The following SORCS2 variants were observed in gnomAD, a reference collection of about 807,000 sequenced individuals.
SORCS2 encodes sortilin related VPS10 domain containing receptor 2.
SORCS2 carries 100 observed loss-of-function variants against 141.6 expected under a neutral mutation model. The observed-to-expected ratio is 0.71, with a 90% confidence interval of 0.60 to 0.83. The LOEUF is 0.83. Among genes scored for constraint, SORCS2 ranks in the 40% least tolerant of loss-of-function variants. The pLI is 0.00. For missense variants in SORCS2, 1,646 were observed against 1,560.2 expected, an observed-to-expected ratio of 1.05 and a Z score of -0.93; for synonymous variants, 789 against 676.9, an observed-to-expected ratio of 1.17 and a Z score of -2.57.
At chr4:7,586,402 G>C (rs753019552) in intron 3 of SORCS2, among the ~76,000 whole-genome samples, 1 of 152,170 alleles carries the variant, frequency 6.6e-6, no homozygotes, top group Non-Finnish European at 1.5e-5. Context: ...GTGCCATAGT[G>C]GTTTGCTGCA....
intron 3 of SORCS2, among the ~76,000 whole-genome samples, chr4:7,539,386 G>T (rs866002960): frequency 6.6e-6 from 1 of 152,214 alleles, no homozygotes; most frequent in Non-Finnish European, 1.5e-5. Context: ...GCCGAGCCAA[G>T]TCCCAGGCTC....
intron 18 of SORCS2, among the ~76,000 whole-genome samples, chr4:7,719,298 G>C (rs1481221058): frequency 6.6e-6 from 1 of 152,256 alleles, no homozygotes; most frequent in African/African-American, 2.4e-5. Context: ...ACGACGCAGA[G>C]CAGTGCTTGC....
chr4:7,389,372 C>T (rs79383056), intron 1 of SORCS2, among the ~76,000 whole-genome samples: 19,748 of 152,098 alleles, frequency 0.13, 1,826 homozygotes, highest in East Asian at 0.49. Flanking sequence ...CCCGTACCAG[C>T]GAGGCATGTC....
At chr4:7,654,378 C>G (rs1041109208) in intron 5 of SORCS2, among the ~76,000 whole-genome samples, 171 bp downstream of exon 5, 15 of 152,214 alleles carry the variant, frequency 9.9e-5, no homozygotes, top group African/African-American at 3.1e-4. Context: ...CCACACCCTC[C>G]TCATCCCAGG....
At chr4:7,666,442 G>A (rs145786121) in intron 7 of SORCS2, among the ~76,000 whole-genome samples, 2 of 152,298 alleles carry the variant, frequency 1.3e-5, no homozygotes, top group African/African-American at 4.8e-5. Context: ...GGCCTCCCCT[G>A]CCCTCTCCCT....
At chr4:7,384,498 A>G (rs4615171) in intron 1 of SORCS2, among the ~76,000 whole-genome samples, 130,525 of 152,110 alleles carry the variant, frequency 0.86, 56,848 homozygotes, top group Non-Finnish European at 0.94. Context: ...GACGGGGTTA[A>G]GGTGCGTACA....
intron 2 of SORCS2, among the ~76,000 whole-genome samples, chr4:7,471,202 C>T (rs956661450): frequency 6.6e-6 from 1 of 152,222 alleles, no homozygotes; most frequent in Non-Finnish European, 1.5e-5. Context: ...CATCCTGCAT[C>T]CTTCCCCGCC....
intron 1 of SORCS2, among the ~76,000 whole-genome samples, chr4:7,210,563 G>C (rs1728004723): frequency 1.3e-5 from 2 of 152,330 alleles, no homozygotes; most frequent in South Asian, 4.1e-4. Context: ...TTACAGGTGT[G>C]AGCCGCCATG....
At chr4:7,674,445 C>A (rs915676335) in intron 8 of SORCS2, among the ~76,000 whole-genome samples, 10 of 151,782 alleles carry the variant, frequency 6.6e-5, no homozygotes, top group Non-Finnish European at 1.5e-5. Context: ...TAGTGGCAGG[C>A]GCCTGTAATC....
intron 9 of SORCS2, 88 bp downstream of exon 9, chr4:7,676,317 C>A: frequency 7.2e-7 from 1 of 1,396,428 alleles, no homozygotes. Flanking sequence ...CCCTCCCCTC[C>A]CGCCTGTCTA....
intron 2 of SORCS2, among the ~76,000 whole-genome samples, chr4:7,476,975 G>A (rs1048449499): frequency 5.3e-5 from 8 of 152,182 alleles, no homozygotes; most frequent in Admixed American, 5.2e-4. Context: ...TCCCCAAGGC[G>A]CTCTGAACTT....
In SORCS2 at chr4:7,472,274, C is replaced by A. The variant is rs554798830; in HGVS notation, c.549-59256C>A. On this transcript the variant is annotated intron_variant, in intron 2 of 26. Coordinates refer to ENST00000507866, the MANE Select transcript of SORCS2 (RefSeq NM_020777.3). ...GGGGCTGGCTGCACAGGGGCACTTTCCCCACCTGCTGGGTTGGGGATGATT... is the reference window on the plus strand; with the variant it reads ...GGGGCTGGCTGCACAGGGGCACTTTACCCACCTGCTGGGTTGGGGATGATT... Among the ~76,000 whole-genome samples the A allele has an allele frequency of 1.3e-4, 20 of 152,300 alleles. No individual in the cohort carries two copies. In the East Asian group the frequency reaches 3.5e-3, roughly 26 times the overall value.
chr4:7,624,938 A>G (rs1389078961), intron 3 of SORCS2, among the ~76,000 whole-genome samples: 1 of 152,252 alleles, frequency 6.6e-6, no homozygotes. Context: ...CTCTCGTCTC[A>G]CAAATGCTAC....
At chr4:7,573,811 C>T (rs924036070) in intron 3 of SORCS2, among the ~76,000 whole-genome samples, 4 of 152,142 alleles carry the variant, frequency 2.6e-5, no homozygotes, top group African/African-American at 9.6e-5. Flanking sequence ...CACAGTGGAC[C>T]CTGTGGCTTC....
intron 2 of SORCS2, among the ~76,000 whole-genome samples, chr4:7,472,923 A>AG (rs997605896): frequency 1.3e-5 from 2 of 151,896 alleles, no homozygotes; most frequent in African/African-American, 4.8e-5. Flanking sequence ...CATCATAAAA[A>AG]AAAAAACAAA....
chr4:7,313,554 G>A (rs1279383752), intron 1 of SORCS2, among the ~76,000 whole-genome samples: 3 of 152,200 alleles, frequency 2.0e-5, no homozygotes, highest in African/African-American at 4.8e-5. Context: ...GGCTGAGCCC[G>A]GGGACAGACA....
chr4:7,711,785 C>T (rs549865815), intron 14 of SORCS2, among the ~76,000 whole-genome samples: 11 of 152,356 alleles, frequency 7.2e-5, no homozygotes, highest in African/African-American at 2.4e-4. Context: ...TTCTGTAAAA[C>T]GGGCGGACCC....
intron 1 of SORCS2, among the ~76,000 whole-genome samples, chr4:7,236,634 T>C (rs11931770): frequency 0.66 from 100,445 of 151,980 alleles, 33,557 homozygotes; most frequent in East Asian, 0.76. Flanking sequence ...CAGGCTGGAG[T>C]GCAGTGGCAC....
intron 1 of SORCS2, among the ~76,000 whole-genome samples, chr4:7,386,752 TAC>T (rs1723373706): frequency 2.7e-5 from 1 of 37,570 alleles, no homozygotes; most frequent in Non-Finnish European, 4.8e-5. Context: ...CACATACAGG[TAC>T]ACAGAGATAC....
Sources: gnomAD v4.1 joint callset for allele counts (sites outside exome capture counted in the v4.1 genomes callset) on GRCh38, gnomAD v4.1.1 for gene constraint, MANE v1.5 for transcripts, NCBI Gene and HGNC (gene_info 2026-07-23, HGNC 2026-07-21) for gene names.